PDE11A: variants seen among roughly 807,000 people sequenced by gnomAD.
PDE11A encodes phosphodiesterase 11A, also known as dual 3',5'-cyclic-AMP and -GMP phosphodiesterase 11A.
Under a neutral mutation model 100.5 loss-of-function variants are expected in PDE11A, and 100 were observed. The observed-to-expected ratio is 1.00, with a 90% CI of 0.85 to 1.18. PDE11A has a LOEUF of 1.18. Among genes scored for constraint, PDE11A ranks in the 50% most tolerant of loss-of-function variants. The pLI is 0.00. For synonymous variants in PDE11A, 381 were observed against 420.8 expected, an observed-to-expected ratio of 0.91 and a Z score of 1.16; for missense variants, 1,141 against 1,152.6, an observed-to-expected ratio of 0.99 and a Z score of 0.15.
At chr2:178,106,509 T>A (rs183367021) in intron 1 of PDE11A, among the ~76,000 whole-genome samples, 1 of 152,344 alleles carries the variant, frequency 6.6e-6, no homozygotes, top group Admixed American at 6.5e-5. Flanking sequence ...AGTGAGCCTT[T>A]GAGCACAGAC....
chr2:177,758,253 C>A (rs1203150322), intron 10 of PDE11A, among the ~76,000 whole-genome samples: 1 of 142,930 alleles, frequency 7.0e-6, no homozygotes, highest in Non-Finnish European at 1.5e-5. Context: ...GCCGAGATGG[C>A]GCCATTGCAC....
intron 9 of PDE11A, among the ~76,000 whole-genome samples, 162 bp from the exon 10 acceptor site, chr2:177,769,535 A>G (rs762668826): frequency 2.6e-5 from 4 of 152,214 alleles, no homozygotes; most frequent in African/African-American, 4.8e-5. Context: ...ATTCTCTGAC[A>G]TAATTCACAT....
At chr2:178,071,284 G>A (rs2087123857) in intron 1 of PDE11A, among the ~76,000 whole-genome samples, 1 of 152,194 alleles carries the variant, frequency 6.6e-6, no homozygotes, top group South Asian at 2.1e-4. Context: ...TCTTGACAGA[G>A]AAATACGTGG....
Position 177,935,681 on chromosome 2 carries a change from G to C in PDE11A, c.1072-30494C>G, listed in dbSNP as rs1417305087. Among the ~76,000 whole-genome samples, 4 of 152,310 alleles carry C rather than the reference G, an allele frequency of 2.6e-5. No homozygotes were observed. The East Asian group carries it at 7.7e-4, about 29-fold the overall frequency. ...GGAAGGAGCAACCAGAGGCAGATCT[G>C]TTGGGGCAGGATGCTCAGGGGCATG... On this transcript the variant is annotated intron_variant, in intron 2 of 19. Transcript: ENST00000286063.
intron 1 of PDE11A, among the ~76,000 whole-genome samples, chr2:178,032,641 CAGGAGAGCTCT>C (rs1384553858): frequency 6.6e-6 from 1 of 152,210 alleles, no homozygotes; most frequent in Non-Finnish European, 1.5e-5. Flanking sequence ...ACACCTCATA[CAGGAGAGCTCT>C]GGCTGGCATT....
chr2:177,859,402 G>A (rs1485219163), intron 5 of PDE11A, among the ~76,000 whole-genome samples: 3 of 151,308 alleles, frequency 2.0e-5, no homozygotes, highest in African/African-American at 4.8e-5. Context: ...AATATTATTT[G>A]ATATTAAAAA....
chr2:177,945,809 G>A (rs1299763768), intron 2 of PDE11A, among the ~76,000 whole-genome samples: 1 of 140,430 alleles, frequency 7.1e-6, no homozygotes, highest in Non-Finnish European at 1.5e-5. Flanking sequence ...GGCCAGCCGT[G>A]CCATCCGGGA....
chr2:177,658,944 T>C (rs1166113131), intron 19 of PDE11A, among the ~76,000 whole-genome samples: 1 of 152,090 alleles, frequency 6.6e-6, no homozygotes, highest in Non-Finnish European at 1.5e-5. Context: ...GTGGAATGTA[T>C]TTTTCAAAAT....
intron 9 of PDE11A, among the ~76,000 whole-genome samples, chr2:177,801,885 GA>G (rs149581395): frequency 0.012 from 1,866 of 152,030 alleles, 34 homozygotes; most frequent in African/African-American, 0.043. Flanking sequence ...AAGACACCAT[GA>G]AAAAATCTTA....
Position 177,888,568 on chromosome 2 carries a change from A to G in PDE11A, c.1302+9490T>C, listed in dbSNP as rs368099585. On this transcript the variant is annotated intron_variant, in intron 4 of 19. Coordinates refer to ENST00000286063, the MANE Select transcript of PDE11A (RefSeq NM_016953.4). ...AAACCCTTAAAGCAAAAATCAAAAAAGGAGGTTAATAAATTTGACACATTA... is the reference window on the plus strand; with the variant it reads ...AAACCCTTAAAGCAAAAATCAAAAAGGGAGGTTAATAAATTTGACACATTA... The G allele has an allele frequency of 8.0e-4, 164 of 206,116 alleles. 2 individuals carry two copies. Among genetic ancestry groups the G allele is most frequent in the African/African-American group, 3.5e-3 (148 of 42,538 alleles). 12.8% of individuals were successfully genotyped at this position (206,116 alleles called of 1,614,324 possible).
intron 19 of PDE11A, among the ~76,000 whole-genome samples, chr2:177,657,845 A>C (rs2080412887): frequency 6.6e-6 from 1 of 152,220 alleles, no homozygotes; most frequent in South Asian, 2.1e-4. Context: ...CATATTAGAA[A>C]AGACTTAGGA....
chr2:177,862,829 C>A (rs1295964812), intron 5 of PDE11A, among the ~76,000 whole-genome samples: 4 of 151,834 alleles, frequency 2.6e-5, no homozygotes, highest in African/African-American at 7.2e-5. Context: ...ACAGAAAAAA[C>A]CATCCTAATA....
At chr2:177,780,921 A>G (rs193101269) in intron 9 of PDE11A, among the ~76,000 whole-genome samples, 19 of 152,310 alleles carry the variant, frequency 1.2e-4, no homozygotes, top group Admixed American at 5.2e-4. Flanking sequence ...CTTTCTTATT[A>G]TTCATATGTT....
chr2:177,762,836 G>T (rs980074111), intron 10 of PDE11A, among the ~76,000 whole-genome samples: 4 of 152,126 alleles, frequency 2.6e-5, no homozygotes, highest in African/African-American at 7.2e-5. Context: ...GGGAGGTCAG[G>T]GTCACCACAG....
At chr2:178,014,504 G>A (rs377581820) in intron 1 of PDE11A, 44 bp from the exon 2 acceptor site, 2 of 1,519,260 alleles carry the variant, frequency 1.3e-6, no homozygotes, top group African/African-American at 2.7e-5. Context: ...GTGCATTGTT[G>A]TCAGGGAGAA....
chr2:177,732,082 G>A (rs1457033193), intron 10 of PDE11A, among the ~76,000 whole-genome samples: 3 of 152,148 alleles, frequency 2.0e-5, no homozygotes, highest in Admixed American at 6.5e-5. Context: ...GAACTCAGAG[G>A]GAAGCCAGCC....
intron 1 of PDE11A, 114 bp downstream of exon 1, chr2:178,071,412 A>G: frequency 7.5e-7 from 1 of 1,338,404 alleles, no homozygotes; most frequent in Non-Finnish European, 1.1e-6. Flanking sequence ...TAAATAGCAA[A>G]ATTTGTATTG....
intron 16 of PDE11A, chr2:177,675,942 C>T (rs1381185638): frequency 6.3e-6 from 2 of 318,798 alleles, no homozygotes; most frequent in African/African-American, 2.2e-5. Context: ...TTGATGGGAA[C>T]AAAAGAAAAC....
At chr2:177,926,312 T>C (rs1263673535) in intron 2 of PDE11A, among the ~76,000 whole-genome samples, 1 of 152,226 alleles carries the variant, frequency 6.6e-6, no homozygotes, top group African/African-American at 2.4e-5. Context: ...TATGTTTTCC[T>C]TCTTGATTTC....
Sources: allele counts gnomAD v4.1 joint callset (sites outside exome capture counted in the v4.1 genomes callset), GRCh38; gene constraint gnomAD v4.1.1; transcripts MANE v1.5; gene names NCBI Gene and HGNC (gene_info 2026-07-23, HGNC 2026-07-21).